The following CDKN1C variants were observed in gnomAD, a reference collection of about 807,000 sequenced individuals.
CDKN1C encodes the protein cyclin-dependent kinase inhibitor 1C.
A neutral mutation model predicts 16.5 loss-of-function variants in CDKN1C; 7 were observed. The observed-to-expected ratio is 0.42, with a 90% CI of 0.24 to 0.80. The LOEUF (loss-of-function observed/expected upper bound fraction) is 0.80, where lower values mean the gene tolerates loss of function less well. Ranked by LOEUF, CDKN1C falls within the 30% of genes least tolerant of loss-of-function variation. The pLI is 0.26. For synonymous variants in CDKN1C, 288 were observed against 214.4 expected, an observed-to-expected ratio of 1.34 and a Z score of -3.00; for missense variants, 429 against 437.3, an observed-to-expected ratio of 0.98 and a Z score of 0.17.
chr11:2,884,778 G>T lies in CDKN1C; in HGVS notation c.679C>A (p.Leu227Ile). The T allele has an allele frequency of 6.7e-7, 1 of 1,503,110 alleles. No homozygotes were observed. Among genetic ancestry groups the T allele is most frequent in the Non-Finnish European group, 8.9e-7 (1 of 1,128,506 alleles). 93.1% of individuals were successfully genotyped at this position (1,503,110 alleles called of 1,614,324 possible). A position where few individuals can be genotyped will look rare whatever the true frequency, so the allele number is the denominator to read the frequency against. Residue 227 changes from leucine (L) to isoleucine (I), a missense_variant, in exon 2 of 4, where the codon CTC becomes ATC. Coordinates refer to ENST00000440480, the MANE Select transcript of CDKN1C (RefSeq NM_001122630.2). ...ATCCCCGAGTGCAGCTGGTCAGCGA[G>T]AGGCTCCTGGCCGCGCTGCCCCTGG... ...ANQGQRGQEP[L>I]ADQLHSGISG... is the part of the protein sequence containing the mutation.
Position 2,885,349 on chromosome 11 carries a change from CT to C in CDKN1C, c.107del (p.Gln36ArgfsTer7). 6.3e-7 allele frequency: 1 copy of C among 1,593,282 alleles called. No individual in the cohort carries two copies. The highest frequency in any genetic ancestry group is 2.3e-5 in the East Asian group (1 of 43,698). ...CGGCGTTCAGCTCGGCCAGGCGGGCCTGCAGCTCGCGGCTCAGCTCCTCGTG... is the reference window on the plus strand; with the variant it reads ...CGGCGTTCAGCTCGGCCAGGCGGGCCGCAGCTCGCGGCTCAGCTCCTCGTG... The part of the protein sequence containing the change: ...VDHEELSREL[Q>X]ARLAELNAED... On this transcript the variant is annotated frameshift_variant, in exon 2 of 4. Coordinates refer to ENST00000440480, the MANE Select transcript of CDKN1C (RefSeq NM_001122630.2). LOFTEE classifies it high-confidence loss of function.
In CDKN1C at chr11:2,884,935, A is replaced by AGCCGGG. The variant is rs878853629; in HGVS notation, c.516_521dup (p.Ala182_Pro183dup). On this transcript the variant is annotated inframe_insertion, in exon 2 of 4. Coordinates refer to ENST00000440480, the MANE Select transcript of CDKN1C (RefSeq NM_001122630.2). ...GAGCCGGGGCCGGAGCCGGAGCCGGAGCCGGGGCCGGGGCCGGGGCCAGGA... is the reference window on the plus strand; with the variant it reads ...GAGCCGGGGCCGGAGCCGGAGCCGGAGCCGGGGCCGGGGCCGGGGCCGGGGCCAGGA... 5.4e-5 allele frequency: 49 copies of AGCCGGG among 900,920 alleles called. 1 individual carries two copies. The highest frequency in any genetic ancestry group is 9.2e-4 in the Middle Eastern group (2 of 2,172). 55.8% of individuals were successfully genotyped at this position (900,920 alleles called of 1,614,324 possible).
In CDKN1C at chr11:2,885,088, C is replaced by T; in HGVS notation, c.369G>A (p.Glu123=). 1 of 1,416,222 alleles carries T rather than the reference C, an allele frequency of 7.1e-7. No individual in the cohort carries two copies. The highest frequency in any genetic ancestry group is 9.1e-7 in the Non-Finnish European group (1 of 1,097,144). The allele number at this position is 1,416,222 out of a possible 1,614,324, so 87.7% of individuals were successfully genotyped here. Residue 123 remains glutamate, a synonymous_variant, in exon 2 of 4, where the codon GAG becomes GAA. Transcript: ENST00000440480. ...ESLDGLEEAP[E]QLPSVPVPAP... ...CCGGGACCGGGACACTAGGCAGCTG[C>T]TCCGGCGCCTCCTCGAGGCCGTCGA...
In CDKN1C at chr11:2,884,856, G is replaced by C; in HGVS notation, c.601C>G (p.Pro201Ala). 9.0e-7 allele frequency: 1 copy of C among 1,114,288 alleles called. No individual in the cohort carries two copies. The highest frequency in any genetic ancestry group is 1.1e-6 in the Non-Finnish European group (1 of 908,098). The allele number at this position is 1,114,288 out of a possible 1,614,324, so 69.0% of individuals were successfully genotyped here. Residue 201 changes from proline (P) to alanine (A), a missense_variant, in exon 2 of 4, where the codon CCG becomes GCG. Physicochemically the swap from Pro to Ala is conservative, Grantham distance 27. Transcript: ENST00000440480. ...PAPAPAPAPA[P>A]APAPDAAPQE... ...GGCGCCGCGTCCGGGGCCGGGGCCG[G>C]GGCGGGGGCCGGGGCCGGGGCCGGG...
chr11:2,884,438 C>T (rs1302044094), intron 2 of CDKN1C: 1 of 281,758 alleles, frequency 3.5e-6, no homozygotes, highest in Non-Finnish European at 6.5e-6. Flanking sequence ...ACTGCGCTCC[C>T]GGGGGGTCGC....
chr11:2,883,723 T>TTTATA lies in CDKN1C; in HGVS notation c.*197_*198insTATAA. The TTTATA allele has an allele frequency of 7.3e-7, 1 of 1,361,170 alleles. No individual in the cohort carries two copies. The highest frequency in any genetic ancestry group is 9.6e-7 in the Non-Finnish European group (1 of 1,043,220). 84.3% of individuals were successfully genotyped at this position (1,361,170 alleles called of 1,614,324 possible). On this transcript the variant is annotated 3_prime_UTR_variant, in exon 4 of 4. Coordinates refer to ENST00000440480, the MANE Select transcript of CDKN1C (RefSeq NM_001122630.2). ...ACCTTGGGACCAGTGTACCTTCTCG[T>TTTATA]GCAGAATACATTTAGATATAAAAAG...
At chr11:2,884,472 C>T in intron 2 of CDKN1C, 198 bp downstream of exon 2, 1 of 329,072 alleles carries the variant, frequency 3.0e-6, no homozygotes, top group Non-Finnish European at 5.4e-6. Context: ...CCTCCCACCC[C>T]GCCCGCGCGA....
In CDKN1C at chr11:2,883,979, C is replaced by T. The variant is rs760540648; in HGVS notation, c.*5+20G>A. On this transcript the variant is annotated intron_variant, in intron 3 of 3. Coordinates refer to ENST00000440480, the MANE Select transcript of CDKN1C (RefSeq NM_001122630.2). ...CCGGCGGGTCGGCCCTCCGCGCCCC[C>T]CCAGGTGCGCTGTACTCACTTGGCT... 12 of 1,562,176 alleles carry T rather than the reference C, an allele frequency of 7.7e-6. No individual in the cohort carries two copies. The highest frequency in any genetic ancestry group is 2.7e-5 in the African/African-American group (2 of 73,812).
At position 2,885,403 on chromosome 11, in the gene CDKN1C, G is replaced by A; in HGVS notation, c.54C>T (p.Ala18=). Residue 18 remains alanine, a synonymous_variant, in exon 2 of 4, where the codon GCC becomes GCT. Coordinates refer to ENST00000440480, the MANE Select transcript of CDKN1C (RefSeq NM_001122630.2). ...CCACCGGCCCGAAGAGGCTGCGGCA[G>A]GCGCTGGTGCGCACTAGTACTGGGA... ...GTFPVLVRTS[A]CRSLFGPVDH... 1.3e-6 allele frequency: 2 copies of A among 1,557,432 alleles called. No individual in the cohort carries two copies. Among genetic ancestry groups the A allele is most frequent in the South Asian group, 2.3e-5 (2 of 85,128 alleles).
In CDKN1C at chr11:2,885,140, G is replaced by A. The variant is rs945890937; in HGVS notation, c.317C>T (p.Pro106Leu). Reference protein sequence around the residue: ...RPVAVAVAVSPPLEPAAESLD... With the variant: ...RPVAVAVAVSLPLEPAAESLD... ...GGACTCAGCGGCCGGCTCGAGGGGC[G>A]GGCTGACAGCCACCGCGACCGCGAC... The change falls in exon 2 of 4, where the codon CCG becomes CTG. Residue 106 changes from proline to leucine, a missense_variant. Pro to Leu is a moderately conservative substitution (Grantham distance 98). Transcript: ENST00000440480. The A allele has an allele frequency of 6.7e-7, 1 of 1,500,062 alleles. No homozygotes were observed. The highest frequency in any genetic ancestry group is 8.8e-7 in the Non-Finnish European group (1 of 1,133,132). 92.9% of individuals were successfully genotyped at this position (1,500,062 alleles called of 1,614,324 possible).
rs1848947013 is a variant in CDKN1C, at chr11:2,884,972, A to C, written c.485T>G (p.Val162Gly). ...APVAAPVAAP[V>G]AVAVLAPAPA... Reference sequence around the variant, plus strand: ...GGCCGGGGCCAGGACCGCGACCGCGACCGGAGCCGCGACCGGAGCCGCGAC... The same window carrying C: ...GGCCGGGGCCAGGACCGCGACCGCGCCCGGAGCCGCGACCGGAGCCGCGAC... Residue 162 changes from valine to glycine, a missense_variant, in exon 2 of 4, where the codon GTC becomes GGC. Transcript: ENST00000440480. 1 of 591,142 alleles carries C rather than the reference A, an allele frequency of 1.7e-6. No homozygotes were observed. Among genetic ancestry groups the C allele is most frequent in the Non-Finnish European group, 2.2e-6 (1 of 445,098 alleles). 36.6% of individuals were successfully genotyped at this position (591,142 alleles called of 1,614,324 possible).
At position 2,883,821 on chromosome 11, in the gene CDKN1C, C is replaced by A; in HGVS notation, c.*100G>T. The A allele has an allele frequency of 6.6e-7, 1 of 1,525,990 alleles. No homozygotes were observed. Among genetic ancestry groups the A allele is most frequent in the East Asian group, 2.5e-5 (1 of 40,486 alleles). The allele number at this position is 1,525,990 out of a possible 1,614,324, so 94.5% of individuals were successfully genotyped here. A position where few individuals can be genotyped will look rare whatever the true frequency, so the allele number is the denominator to read the frequency against. On this transcript the variant is annotated 3_prime_UTR_variant, in exon 4 of 4. Coordinates refer to ENST00000440480, the MANE Select transcript of CDKN1C (RefSeq NM_001122630.2). ...AACGCTGCTCTGCGGCAGCCGCCGCCGGTTGCTGCTACATGAACGGTCCCA... is the reference window on the plus strand; with the variant it reads ...AACGCTGCTCTGCGGCAGCCGCCGCAGGTTGCTGCTACATGAACGGTCCCA...
In CDKN1C at chr11:2,883,388, G is replaced by A. The variant is rs1316261113; in HGVS notation, c.*533C>T. The A allele has an allele frequency of 6.3e-6, 1 of 158,036 alleles. No homozygotes were observed. Among genetic ancestry groups the A allele is most frequent in the Non-Finnish European group, 1.4e-5 (1 of 72,042 alleles). The allele number at this position is 158,036 out of a possible 1,614,324, so 9.8% of individuals were successfully genotyped here. ...AAGAGACTGCAAGCTAGATGGGCAT[G>A]TATGGCAGCTACAGCTTGTGAGTGA... On this transcript the variant is annotated 3_prime_UTR_variant, in exon 4 of 4. Transcript: ENST00000440480.
intron 2 of CDKN1C, 76 bp downstream of exon 2, chr11:2,884,594 C>T: frequency 2.1e-6 from 2 of 951,632 alleles, no homozygotes; most frequent in Non-Finnish European, 2.7e-6. Flanking sequence ...CAGCGAGGCC[C>T]CCGAGGGCTG....
chr11:2,885,751 C>A lies in CDKN1C; in HGVS notation c.-128G>T. On this transcript the variant is annotated 5_prime_UTR_variant, in exon 1 of 4. Transcript: ENST00000440480. ...TCGCTCAGGCCTGGCCGGCACCCCT[C>A]GAGCACAGCGCACTTGGCCTGTGGA... 1 of 576,804 alleles carries A rather than the reference C, an allele frequency of 1.7e-6. No homozygotes were observed. Among genetic ancestry groups the A allele is most frequent in the South Asian group, 2.1e-5 (1 of 48,690 alleles). The allele number at this position is 576,804 out of a possible 1,614,324, so 35.7% of individuals were successfully genotyped here. A position where few individuals can be genotyped will look rare whatever the true frequency, so the allele number is the denominator to read the frequency against.
Position 2,884,791 on chromosome 11 carries a change from G to C in CDKN1C, c.666C>G (p.Arg222=), listed in dbSNP as rs779975908. Residue 222 remains arginine, a synonymous_variant, in exon 2 of 4, where the codon CGC becomes CGG. Coordinates refer to ENST00000440480, the MANE Select transcript of CDKN1C (RefSeq NM_001122630.2). ...SAEQGANQGQ[R]GQEPLADQLH... ...GCTGGTCAGCGAGAGGCTCCTGGCC[G>C]CGCTGCCCCTGGTTCGCGCCCTGCT... The C allele has an allele frequency of 8.8e-6, 13 of 1,482,994 alleles. No individual in the cohort carries two copies. The highest frequency in any genetic ancestry group is 1.5e-5 in the African/African-American group (1 of 68,676). The allele number at this position is 1,482,994 out of a possible 1,614,324, so 91.9% of individuals were successfully genotyped here.
rs1848936930 is a variant in CDKN1C, at chr11:2,884,894, G to A, written c.563C>T (p.Ala188Val). ...GGCCGGGGCCGGGGCCGGGGCTGGG[G>A]CCGGGGCCGCGACTGGAGCCGGGGC... ...APAPAPVAAP[A>V]PAPAPAPAPA... is the part of the protein sequence containing the mutation. The change falls in exon 2 of 4, where the codon GCC (alanine) becomes GTC (valine). Residue 188 changes from alanine (A) to valine (V), a missense_variant. Ala to Val is a moderately conservative substitution (Grantham distance 64). Coordinates refer to ENST00000440480, the MANE Select transcript of CDKN1C (RefSeq NM_001122630.2). The A allele has an allele frequency of 1.2e-6, 1 of 865,754 alleles. No individual in the cohort carries two copies. Among genetic ancestry groups the A allele is most frequent in the Non-Finnish European group, 1.4e-6 (1 of 714,712 alleles). The allele number at this position is 865,754 out of a possible 1,614,324, so 53.6% of individuals were successfully genotyped here. A position where few individuals can be genotyped will look rare whatever the true frequency, so the allele number is the denominator to read the frequency against.
In CDKN1C at chr11:2,884,977, AGCCGC is replaced by A; in HGVS notation, c.475_479del (p.Ala159SerfsTer69). ...GGGCCAGGACCGCGACCGCGACCGGAGCCGCGACCGGAGCCGCGACCGGAGCCGGA... is the reference window on the plus strand; with the variant it reads ...GGGCCAGGACCGCGACCGCGACCGGAGACCGGAGCCGCGACCGGAGCCGGA... On this transcript the variant is annotated frameshift_variant, in exon 2 of 4. Transcript: ENST00000440480. LOFTEE classifies it high-confidence loss of function. The A allele has an allele frequency of 5.2e-6, 3 of 572,786 alleles. No individual in the cohort carries two copies. Among genetic ancestry groups the A allele is most frequent in the Non-Finnish European group, 6.9e-6 (3 of 432,378 alleles). 35.5% of individuals were successfully genotyped at this position (572,786 alleles called of 1,614,324 possible). A position where few individuals can be genotyped will look rare whatever the true frequency, so the allele number is the denominator to read the frequency against.
chr11:2,884,645 C>A (rs1848913450), intron 2 of CDKN1C, 25 bp downstream of exon 2: 4 of 1,222,890 alleles, frequency 3.3e-6, no homozygotes, highest in Non-Finnish European at 4.1e-6. Context: ...CGGGCCGGGC[C>A]GGGGCGGGGC....
Sources: gnomAD v4.1 joint callset for allele counts on GRCh38, gnomAD v4.1.1 for gene constraint, MANE v1.5 for transcripts, NCBI Gene and HGNC (gene_info 2026-07-23, HGNC 2026-07-21) for gene names.